Variants in GRIK2 observed in about 807,000 individuals in gnomAD.
GRIK2 encodes glutamate ionotropic receptor kainate type subunit 2.
In GRIK2, 32 loss-of-function variants were observed where a neutral mutation model predicts 100.3. The ratio of observed to expected loss-of-function variants is 0.32; its 90% CI spans 0.24 to 0.43. GRIK2 has a LOEUF of 0.43. Among genes scored for constraint, GRIK2 ranks in the 20% least tolerant of loss-of-function variants. GRIK2 has a pLI of 1.00. For synonymous variants in GRIK2, 417 were observed against 389.4 expected (o/e 1.07, Z -0.83); for missense variants, 843 against 1,114.9 (o/e 0.76, Z 3.47).
chr6:102,027,179 A>G (rs1380240765), intron 14 of GRIK2, among the ~76,000 whole-genome samples: 1 of 151,326 alleles, frequency 6.6e-6, no homozygotes, highest in Non-Finnish European at 1.5e-5. Context: ...TAGCATTATA[A>G]ACAAAATTGG....
At chr6:101,679,803 G>A (rs1328192563) in intron 5 of GRIK2, among the ~76,000 whole-genome samples, 1 of 152,088 alleles carries the variant, frequency 6.6e-6, no homozygotes. Flanking sequence ...GCAATGGTGC[G>A]ATCTCGGCTC....
At chr6:101,791,792 A>C (rs372969466) in intron 7 of GRIK2, among the ~76,000 whole-genome samples, 7,942 of 151,578 alleles carry the variant, frequency 0.052, 513 homozygotes, top group African/African-American at 0.15. Context: ...GATCTGTCTA[A>C]TGTTGACAGT....
intron 2 of GRIK2, among the ~76,000 whole-genome samples, chr6:101,500,435 G>T (rs1197595650): frequency 6.6e-6 from 1 of 151,952 alleles, no homozygotes; most frequent in Non-Finnish European, 1.5e-5. Flanking sequence ...TTCTTTTATA[G>T]AACTAAATTT....
intron 10 of GRIK2, among the ~76,000 whole-genome samples, chr6:101,820,456 C>A (rs2039854): frequency 6.6e-6 from 1 of 151,962 alleles, no homozygotes; most frequent in Non-Finnish European, 1.5e-5. Context: ...TTCTCCTCCT[C>A]CTTCTTCTTC....
At chr6:101,577,128 T>C (rs1261699415) in intron 2 of GRIK2, among the ~76,000 whole-genome samples, 4 of 151,544 alleles carry the variant, frequency 2.6e-5, no homozygotes, top group African/African-American at 9.7e-5. Flanking sequence ...TTGCTTTCTT[T>C]GATATCTGGG....
chr6:101,554,695 T>G (rs980306215), intron 2 of GRIK2, among the ~76,000 whole-genome samples: 3 of 152,170 alleles, frequency 2.0e-5, no homozygotes, highest in African/African-American at 7.2e-5. Context: ...TGTAGGCTTT[T>G]AGGGGTAAGG....
intron 2 of GRIK2, among the ~76,000 whole-genome samples, chr6:101,528,653 C>T (rs144546807): frequency 1.2e-4 from 19 of 152,150 alleles, no homozygotes; most frequent in Admixed American, 6.5e-4. Flanking sequence ...TCGGGCAAGC[C>T]GGCTTATATC....
At chr6:101,786,540 G>A (rs1333885455) in intron 7 of GRIK2, among the ~76,000 whole-genome samples, 2 of 151,980 alleles carry the variant, frequency 1.3e-5, no homozygotes, top group Non-Finnish European at 2.9e-5. Context: ...TTCTGTGTCT[G>A]TTGAGATCAC....
chr6:101,940,022 T>C (rs1179444323), intron 14 of GRIK2, among the ~76,000 whole-genome samples: 1 of 152,100 alleles, frequency 6.6e-6, no homozygotes, highest in East Asian at 1.9e-4. Flanking sequence ...GAAGTGTTGA[T>C]TGTGACAGAA....
At chr6:101,936,112 T>C (rs1392976626) in intron 14 of GRIK2, among the ~76,000 whole-genome samples, 1 of 152,076 alleles carries the variant, frequency 6.6e-6, no homozygotes, top group African/African-American at 2.4e-5. Context: ...ACATAAAAGC[T>C]TGATGTGGTT....
At chr6:101,662,184 G>A (rs1582914334) in intron 4 of GRIK2, among the ~76,000 whole-genome samples, 1 of 152,232 alleles carries the variant, frequency 6.6e-6, no homozygotes, top group Non-Finnish European at 1.5e-5. Context: ...GATGAAGAAA[G>A]ATTAGTCTCT....
At chr6:101,791,910 A>G (rs1463792301) in intron 7 of GRIK2, among the ~76,000 whole-genome samples, 1 of 151,906 alleles carries the variant, frequency 6.6e-6, no homozygotes, top group Non-Finnish European at 1.5e-5. Context: ...GTGCATATAT[A>G]TTTAGGATAG....
intron 2 of GRIK2, among the ~76,000 whole-genome samples, chr6:101,470,150 C>G (rs183449337): frequency 6.6e-6 from 1 of 152,254 alleles, no homozygotes; most frequent in East Asian, 1.9e-4. Context: ...CACCCAAACT[C>G]TTTTCAAATA....
intron 10 of GRIK2, among the ~76,000 whole-genome samples, chr6:101,842,815 G>C (rs1338171836): frequency 2.6e-5 from 4 of 152,098 alleles, no homozygotes; most frequent in Non-Finnish European, 4.4e-5. Flanking sequence ...ATCAACTTTT[G>C]AGTGGGATGT....
chr6:101,630,700 A>T (rs1467456991), intron 4 of GRIK2, among the ~76,000 whole-genome samples: 2 of 152,128 alleles, frequency 1.3e-5, no homozygotes, highest in African/African-American at 4.8e-5. Flanking sequence ...TCAGCTTCTC[A>T]AAAGAGCAAG....
In GRIK2 at chr6:101,741,357, G is replaced by A. The variant is rs577935398; in HGVS notation, c.951+55004G>A. On this transcript the variant is annotated intron_variant, in intron 7 of 16. Transcript: ENST00000369134. ...ATACACTTGTCTGCAGAATTCATCT[G>A]TTAGGAAGAAACTTTTCCTCTATGA... is the stretch of plus-strand genomic sequence containing the variant. Among the ~76,000 whole-genome samples the A allele has an allele frequency of 9.1e-4, 139 of 152,302 alleles. 1 individual carries two copies. Among genetic ancestry groups the A allele is most frequent in the Admixed American group, 9.0e-3 (138 of 15,290 alleles).
chr6:101,618,503 T>A (rs1230591720), intron 2 of GRIK2, among the ~76,000 whole-genome samples: 2 of 151,826 alleles, frequency 1.3e-5, no homozygotes, highest in Non-Finnish European at 3.0e-5. Context: ...CTTTTTTAAT[T>A]ATACTTACCA....
chr6:101,857,500 G>A (rs1272990565), intron 10 of GRIK2, among the ~76,000 whole-genome samples: 3 of 152,216 alleles, frequency 2.0e-5, no homozygotes, highest in Admixed American at 6.5e-5. Flanking sequence ...GCTGACACAT[G>A]GCTGTCATGT....
intron 2 of GRIK2, among the ~76,000 whole-genome samples, chr6:101,596,140 G>A (rs1278534233): frequency 6.7e-6 from 1 of 149,360 alleles, no homozygotes; most frequent in Non-Finnish European, 1.5e-5. Flanking sequence ...AGGCCTTTGG[G>A]TTATCATGCC....
Sources: gnomAD v4.1 joint callset for allele counts (sites outside exome capture counted in the v4.1 genomes callset) on GRCh38, gnomAD v4.1.1 for gene constraint, MANE v1.5 for transcripts, NCBI Gene and HGNC (gene_info 2026-07-23, HGNC 2026-07-21) for gene names.